The following DCLK2 variants were observed in gnomAD, a reference collection of about 807,000 sequenced individuals.
The protein encoded by DCLK2 is serine/threonine-protein kinase DCLK2.
In DCLK2, 31 loss-of-function variants were observed where a neutral mutation model predicts 78.4. The ratio of observed to expected loss-of-function variants is 0.40; its 90% CI spans 0.30 to 0.53. The LOEUF is 0.53. DCLK2 is among the 20% of genes least tolerant of loss of function. The pLI, the probability that DCLK2 is intolerant of heterozygous loss-of-function variation, is 0.61. For synonymous variants in DCLK2, 407 were observed against 374.9 expected, an observed-to-expected ratio of 1.09 and a Z score of -0.99; for missense variants, 872 against 973.7, an observed-to-expected ratio of 0.90 and a Z score of 1.39.
At chr4:150,153,603 G>A (rs1055469472) in intron 2 of DCLK2, among the ~76,000 whole-genome samples, 1 of 151,848 alleles carries the variant, frequency 6.6e-6, no homozygotes, top group Non-Finnish European at 1.5e-5. Flanking sequence ...TAGTAGAGAC[G>A]GGGTTTTTTC....
At position 150,249,557 on chromosome 4, in the gene DCLK2, C is replaced by G. The variant is rs1334168349; in HGVS notation, c.1957-11C>G. 2 of 1,608,474 alleles carry G rather than the reference C, an allele frequency of 1.2e-6. No homozygotes were observed. The highest frequency in any genetic ancestry group is 2.2e-5 in the South Asian group (2 of 90,928). ...AAAAAGCATTGTATTTGATTGTTTT[C>G]TTTCCTGTAGGATGATGCCTCCCAG... On this transcript the variant is annotated splice_polypyrimidine_tract_variant and intron_variant, in intron 14 of 15. Transcript: ENST00000296550.
intron 3 of DCLK2, among the ~76,000 whole-genome samples, chr4:150,197,618 G>A (rs1344148717): frequency 6.6e-6 from 1 of 152,138 alleles, no homozygotes. Flanking sequence ...AGCTGGGCAT[G>A]GTGGTGGGCA....
chr4:150,094,249 C>T (rs1025186772), intron 1 of DCLK2, among the ~76,000 whole-genome samples: 8 of 152,118 alleles, frequency 5.3e-5, no homozygotes, highest in African/African-American at 1.9e-4. Flanking sequence ...AGAAACAAAT[C>T]AACAGAGTGA....
At chr4:150,125,798 G>A (rs1400111398) in intron 2 of DCLK2, among the ~76,000 whole-genome samples, 1 of 151,992 alleles carries the variant, frequency 6.6e-6, no homozygotes, top group Non-Finnish European at 1.5e-5. Context: ...GGCTGAGGCA[G>A]AAGACTCACT....
At chr4:150,126,251 T>C (rs78435142) in intron 2 of DCLK2, among the ~76,000 whole-genome samples, 10,627 of 152,292 alleles carry the variant, frequency 0.07, 441 homozygotes, top group South Asian at 0.1. Flanking sequence ...TATTATTTTG[T>C]GCCTATTCTA....
chr4:150,190,235 T>TGGATAGTTAGATAGATAGACAGATAGA (rs1560850690), intron 2 of DCLK2, among the ~76,000 whole-genome samples: 20 of 115,568 alleles, frequency 1.7e-4, no homozygotes, highest in Non-Finnish European at 3.5e-4. Context: ...AGATGGATAG[T>TGGATAGTTAGATAGATAGACAGATAGA]TAGATAGATA....
intron 7 of DCLK2, 83 bp from the exon 8 acceptor site, chr4:150,224,418 A>T: frequency 3.0e-6 from 4 of 1,349,842 alleles, no homozygotes; most frequent in Non-Finnish European, 3.0e-6. Context: ...AAAAAAAAAA[A>T]TTAAAGTATA....
intron 2 of DCLK2, among the ~76,000 whole-genome samples, chr4:150,140,961 A>G (rs773396510): frequency 6.6e-6 from 1 of 152,220 alleles, no homozygotes; most frequent in Non-Finnish European, 1.5e-5. Flanking sequence ...AGGGGAAAGA[A>G]TAATGCCACT....
At chr4:150,238,107 A>G (rs1304885711) in intron 10 of DCLK2, among the ~76,000 whole-genome samples, 1 of 152,252 alleles carries the variant, frequency 6.6e-6, no homozygotes, top group African/African-American at 2.4e-5. Flanking sequence ...TGTTCATTGT[A>G]AACATTTTAG....
intron 5 of DCLK2, among the ~76,000 whole-genome samples, chr4:150,206,168 C>T (rs1284247491): frequency 6.6e-6 from 1 of 152,172 alleles, no homozygotes; most frequent in Non-Finnish European, 1.5e-5. Flanking sequence ...ATATTCTGTG[C>T]ACACACCTGC....
At chr4:150,083,315 T>C (rs935435246) in intron 1 of DCLK2, among the ~76,000 whole-genome samples, 4 of 152,240 alleles carry the variant, frequency 2.6e-5, no homozygotes, top group Admixed American at 2.6e-4. Context: ...ATTTCTACCT[T>C]TTATCCCTTC....
intron 5 of DCLK2, among the ~76,000 whole-genome samples, chr4:150,205,055 A>G (rs909309284): frequency 6.6e-6 from 1 of 152,138 alleles, no homozygotes; most frequent in African/African-American, 2.4e-5. Context: ...TTAGGAATGT[A>G]TTTTCCAAAG....
At chr4:150,243,986 G>A (rs1160230620) in intron 12 of DCLK2, among the ~76,000 whole-genome samples, 1 of 151,730 alleles carries the variant, frequency 6.6e-6, no homozygotes, top group African/African-American at 2.4e-5. Flanking sequence ...CCAGGCTGGA[G>A]TGTAGTGGTG....
chr4:150,138,731 A>G (rs1221090428), intron 2 of DCLK2, among the ~76,000 whole-genome samples: 1 of 152,054 alleles, frequency 6.6e-6, no homozygotes, highest in Non-Finnish European at 1.5e-5. Context: ...CAGTGGCACG[A>G]TCTCAGCTCA....
At chr4:150,173,626 C>T (rs1226807613) in intron 2 of DCLK2, among the ~76,000 whole-genome samples, 2 of 152,168 alleles carry the variant, frequency 1.3e-5, no homozygotes, top group Non-Finnish European at 2.9e-5. Context: ...GGCAGCAGAA[C>T]TGAAATAGAA....
At chr4:150,141,068 T>G (rs1734071691) in intron 2 of DCLK2, among the ~76,000 whole-genome samples, 1 of 152,170 alleles carries the variant, frequency 6.6e-6, no homozygotes, top group Admixed American at 6.5e-5. Flanking sequence ...GTGTGTGGCT[T>G]TGGGTGTTCT....
chr4:150,195,605 G>A (rs1163469254), intron 3 of DCLK2, among the ~76,000 whole-genome samples: 2 of 139,990 alleles, frequency 1.4e-5, no homozygotes, highest in African/African-American at 2.7e-5. Flanking sequence ...AACTAAATAT[G>A]TTCTGGTTTA....
At chr4:150,220,232 C>T (rs930913225) in intron 5 of DCLK2, among the ~76,000 whole-genome samples, 6 of 152,108 alleles carry the variant, frequency 3.9e-5, no homozygotes, top group African/African-American at 1.2e-4. Context: ...ACTTTAGCAG[C>T]TGAAAATTAA....
chr4:150,139,917 A>G (rs1733994955), intron 2 of DCLK2, among the ~76,000 whole-genome samples: 1 of 152,256 alleles, frequency 6.6e-6, no homozygotes, highest in South Asian at 2.1e-4. Context: ...TTTTCTATCC[A>G]AATGACATGG....
Sources: allele counts gnomAD v4.1 joint callset (sites outside exome capture counted in the v4.1 genomes callset), GRCh38; gene constraint gnomAD v4.1.1; transcripts MANE v1.5; gene names NCBI Gene and HGNC (gene_info 2026-07-23, HGNC 2026-07-21).